Variants in PRKD1 observed in about 807,000 individuals in gnomAD.
PRKD1 encodes serine/threonine-protein kinase D1.
A neutral mutation model predicts 95.9 loss-of-function variants in PRKD1; 63 were observed. That is an observed-to-expected ratio of 0.66 (90% CI 0.54 to 0.81). PRKD1 has a LOEUF of 0.81. PRKD1 is among the 30% of genes least tolerant of loss of function. PRKD1 has a pLI of 0.00. For synonymous variants in PRKD1, 425 were observed against 423.1 expected, an observed-to-expected ratio of 1.00 and a Z score of -0.05; for missense variants, 1,048 against 1,165.3, an observed-to-expected ratio of 0.90 and a Z score of 1.47.
At chr14:29,652,215 A>G (rs1023561587) in intron 4 of PRKD1, among the ~76,000 whole-genome samples, 1 of 152,168 alleles carries the variant, frequency 6.6e-6, no homozygotes, top group African/African-American at 2.4e-5. Flanking sequence ...TCTTGTCAGG[A>G]GTGCTGTGGA....
chr14:29,606,413 A>T (rs1893706312), intron 13 of PRKD1, among the ~76,000 whole-genome samples: 1 of 152,180 alleles, frequency 6.6e-6, no homozygotes, highest in Non-Finnish European at 1.5e-5. Flanking sequence ...AGGATATGAT[A>T]AAGACAGTCT....
chr14:29,906,341 C>T (rs1317695721), intron 1 of PRKD1, among the ~76,000 whole-genome samples: 1 of 152,066 alleles, frequency 6.6e-6, no homozygotes, highest in African/African-American at 2.4e-5. Context: ...GAGTTCAAGA[C>T]CAGCCTGGGC....
chr14:29,659,687 C>A (rs1205482759), intron 4 of PRKD1, among the ~76,000 whole-genome samples: 1 of 152,170 alleles, frequency 6.6e-6, no homozygotes, highest in Non-Finnish European at 1.5e-5. Flanking sequence ...TAGGTCATTA[C>A]AGACTTAACT....
At chr14:29,860,906 T>C (rs10144971) in intron 1 of PRKD1, among the ~76,000 whole-genome samples, 27,507 of 152,086 alleles carry the variant, frequency 0.18, 2,687 homozygotes, top group East Asian at 0.36. Context: ...ACTTTCCAGC[T>C]TTTCCCAGAT....
intron 1 of PRKD1, among the ~76,000 whole-genome samples, chr14:29,863,283 C>T (rs1340705984): frequency 6.6e-6 from 1 of 151,964 alleles, no homozygotes; most frequent in Non-Finnish European, 1.5e-5. Context: ...AAGGTAGGTA[C>T]ATATTATTAC....
intron 2 of PRKD1, among the ~76,000 whole-genome samples, chr14:29,699,649 G>C (rs1271503908): frequency 6.6e-6 from 1 of 152,110 alleles, no homozygotes; most frequent in Non-Finnish European, 1.5e-5. Context: ...AAATATTTGA[G>C]TAGGTTTGAA....
chr14:29,585,937 C>T (rs1220067606), intron 16 of PRKD1, among the ~76,000 whole-genome samples: 1 of 152,172 alleles, frequency 6.6e-6, no homozygotes, highest in Non-Finnish European at 1.5e-5. Flanking sequence ...TACAGTTGAG[C>T]ATGACTGTGC....
At chr14:29,599,324 G>C (rs1192928053) in intron 14 of PRKD1, among the ~76,000 whole-genome samples, 199 bp from the exon 15 acceptor site, 1 of 152,022 alleles carries the variant, frequency 6.6e-6, no homozygotes, top group African/African-American at 2.4e-5. Flanking sequence ...TTCATACAGC[G>C]GCCAAGACAG....
chr14:29,707,436 A>G (rs1456696898), intron 2 of PRKD1, among the ~76,000 whole-genome samples: 1 of 152,166 alleles, frequency 6.6e-6, no homozygotes, highest in Non-Finnish European at 1.5e-5. Context: ...CATTTAATTT[A>G]TATGTATTGT....
intron 2 of PRKD1, among the ~76,000 whole-genome samples, chr14:29,676,778 G>C (rs909970974): frequency 6.6e-6 from 1 of 152,116 alleles, no homozygotes; most frequent in Non-Finnish European, 1.5e-5. Context: ...TTTAGAGTAG[G>C]ACATGGACTG....
In PRKD1 at chr14:29,826,700, CATATAT is replaced by C. The variant is rs1555348496; in HGVS notation, c.264+100543_264+100548del. Among the ~76,000 whole-genome samples, 19 of 28,718 alleles carry C rather than the reference CATATAT, an allele frequency of 6.6e-4. 5 individuals are homozygous for C. Among genetic ancestry groups the C allele is most frequent in the South Asian group, 2.5e-3 (2 of 800 alleles). The allele number at this position is 28,718 out of a possible 152,430, so 18.8% of individuals were successfully genotyped here. A position where few individuals can be genotyped will look rare whatever the true frequency, so the allele number is the denominator to read the frequency against. ...ATATATATATACACACATATATATA[CATATAT>C]ACACATATATATATACATATATATA... On this transcript the variant is annotated intron_variant, in intron 1 of 17. Transcript: ENST00000331968.
chr14:29,909,393 G>A (rs1475687709), intron 1 of PRKD1, among the ~76,000 whole-genome samples: 2 of 151,916 alleles, frequency 1.3e-5, no homozygotes, highest in African/African-American at 4.8e-5. Context: ...GCTGAGGAGT[G>A]TGGGCACACG....
At chr14:29,813,410 T>C (rs569651430) in intron 1 of PRKD1, among the ~76,000 whole-genome samples, 1 of 152,272 alleles carries the variant, frequency 6.6e-6, no homozygotes, top group South Asian at 2.1e-4. Context: ...TGGTGAAACA[T>C]CACAAATATA....
intron 1 of PRKD1, among the ~76,000 whole-genome samples, chr14:29,913,238 T>G (rs895987001): frequency 9.9e-5 from 15 of 152,230 alleles, no homozygotes; most frequent in Non-Finnish European, 1.9e-4. Flanking sequence ...TTAATATACA[T>G]GATTTGATGA....
At chr14:29,667,698 T>A (rs1882602347) in intron 2 of PRKD1, among the ~76,000 whole-genome samples, 1 of 152,164 alleles carries the variant, frequency 6.6e-6, no homozygotes, top group Non-Finnish European at 1.5e-5. Context: ...AATTCTTAAC[T>A]TCTAGCTTCT....
intron 16 of PRKD1, among the ~76,000 whole-genome samples, chr14:29,584,815 C>T (rs1892860983): frequency 6.6e-6 from 1 of 151,758 alleles, no homozygotes; most frequent in Non-Finnish European, 1.5e-5. Context: ...CAGTGTGATG[C>T]TGAGTGTAAC....
At chr14:29,580,593 T>A (rs1471438762) in intron 16 of PRKD1, among the ~76,000 whole-genome samples, 3 of 152,118 alleles carry the variant, frequency 2.0e-5, no homozygotes, top group Non-Finnish European at 4.4e-5. Context: ...GGTCCGTCAT[T>A]TGTAGTTGAG....
chr14:29,731,792 CCT>C lies in PRKD1; in HGVS notation c.265-6120_265-6119del, dbSNP rs1337039690. On this transcript the variant is annotated intron_variant, in intron 1 of 17. Coordinates refer to ENST00000331968, the MANE Select transcript of PRKD1 (RefSeq NM_002742.3). ...GTACTATGTTGTCATTCTTTAAATC[CCT>C]GTGTCTTTATAAAGTTGTTGTACAC... Among the ~76,000 whole-genome samples, 3 of 152,002 alleles carry C rather than the reference CCT, an allele frequency of 2.0e-5. No homozygotes were observed. The East Asian group carries it at 5.8e-4, about 29-fold the overall frequency.
At chr14:29,603,143 C>T (rs1893582268) in intron 13 of PRKD1, among the ~76,000 whole-genome samples, 1 of 152,198 alleles carries the variant, frequency 6.6e-6, no homozygotes, top group Non-Finnish European at 1.5e-5. Context: ...AAATTCATTT[C>T]ACTTGGCCCT....
Sources: gnomAD v4.1 joint callset for allele counts (sites outside exome capture counted in the v4.1 genomes callset) on GRCh38, gnomAD v4.1.1 for gene constraint, MANE v1.5 for transcripts, NCBI Gene and HGNC (gene_info 2026-07-23, HGNC 2026-07-21) for gene names.